CFAP221: variants seen among roughly 807,000 people sequenced by gnomAD.
The protein encoded by CFAP221 is cilia and flagella associated protein 221.
Under a neutral mutation model 113.1 loss-of-function variants are expected in CFAP221, and 97 were observed. The ratio of observed to expected loss-of-function variants is 0.86; its 90% CI spans 0.73 to 1.02. The LOEUF (loss-of-function observed/expected upper bound fraction) is 1.02. CFAP221 is among the 50% of genes least tolerant of loss of function. CFAP221 has a pLI of 0.00. For missense variants in CFAP221, 1,025 were observed against 1,013.4 expected (o/e 1.01, Z -0.16); for synonymous variants, 331 against 354.4 (o/e 0.93, Z 0.74).
At chr2:119,581,672 T>C (rs1682855703) in intron 6 of CFAP221, among the ~76,000 whole-genome samples, 1 of 152,182 alleles carries the variant, frequency 6.6e-6, no homozygotes, top group Admixed American at 6.5e-5. Flanking sequence ...TACCAAGCTT[T>C]TCAGAATTAA....
intron 11 of CFAP221, among the ~76,000 whole-genome samples, chr2:119,606,710 T>C (rs540147020): frequency 6.6e-6 from 1 of 152,300 alleles, no homozygotes; most frequent in South Asian, 2.1e-4. Context: ...AGTGCTGGTG[T>C]TTTTGTTCTT....
chr2:119,569,447 C>G (rs1329700460), intron 6 of CFAP221, among the ~76,000 whole-genome samples: 5 of 152,016 alleles, frequency 3.3e-5, no homozygotes, highest in Admixed American at 1.3e-4. Flanking sequence ...CTCTCTGGTT[C>G]TCTGTAGTTT....
chr2:119,646,953 C>CACAGCTGCGATTCCTTCAATTCATT lies in CFAP221; in HGVS notation c.2226-4_2246dup. ...TCTTTGACTGCTTGTGTGGTTTTTC[C>CACAGCTGCGATTCCTTCAATTCATT]ACAGCTGCGATTCCTTCAATTCATT... On this transcript the variant is annotated splice_polypyrimidine_tract_variant and splice_region_variant and intron_variant, in intron 21 of 23. Transcript: ENST00000413369. 1 of 1,612,108 alleles carries CACAGCTGCGATTCCTTCAATTCATT rather than the reference C, an allele frequency of 6.2e-7. No individual in the cohort carries two copies.
At chr2:119,610,565 C>A (rs1685081119) in intron 12 of CFAP221, among the ~76,000 whole-genome samples, 2 of 152,068 alleles carry the variant, frequency 1.3e-5, no homozygotes, top group African/African-American at 4.8e-5. Flanking sequence ...TTATTTTACT[C>A]CTAATGCTGG....
intron 16 of CFAP221, among the ~76,000 whole-genome samples, chr2:119,629,101 C>T (rs1311667235): frequency 6.6e-6 from 1 of 152,128 alleles, no homozygotes; most frequent in Non-Finnish European, 1.5e-5. Context: ...CTTTTTCTTA[C>T]ATTTAGCATC....
chr2:119,586,534 A>G (rs1683235268), intron 6 of CFAP221, among the ~76,000 whole-genome samples: 3 of 152,090 alleles, frequency 2.0e-5, no homozygotes, highest in African/African-American at 4.8e-5. Flanking sequence ...ACGTTCTCTA[A>G]TGGTTGCTGG....
At chr2:119,626,094 T>G (rs1454272471) in intron 15 of CFAP221, among the ~76,000 whole-genome samples, 2 of 152,048 alleles carry the variant, frequency 1.3e-5, no homozygotes, top group Non-Finnish European at 2.9e-5. Flanking sequence ...GCTCCTGGAG[T>G]CCACCTGCAT....
At chr2:119,560,826 T>G (rs1310027208) in intron 5 of CFAP221, among the ~76,000 whole-genome samples, 16 of 152,224 alleles carry the variant, frequency 1.1e-4, no homozygotes. Flanking sequence ...AAGTTAACTT[T>G]TATAAATTGA....
At chr2:119,632,084 A>G (rs1686809007) in intron 19 of CFAP221, among the ~76,000 whole-genome samples, 1 of 151,982 alleles carries the variant, frequency 6.6e-6, no homozygotes, top group African/African-American at 2.4e-5. Context: ...CCAAATATTT[A>G]AGGAAGGAAT....
At position 119,639,803 on chromosome 2, in the gene CFAP221, A is replaced by T. The variant is rs758335579; in HGVS notation, c.2156A>T (p.His719Leu). ...CAGGACATTATTCCCGGAATAATGC[A>T]CTGGAAAAGCTTCCAGTCCCTGGTT... is the stretch of plus-strand genomic sequence containing the variant. The part of the protein sequence containing the change: ...HHTDIIPGIM[H>L]WKSFQSLVLS... Residue 719 changes from histidine (H) to leucine (L), a missense_variant, in exon 21 of 24, where the codon CAC (histidine) becomes CTC (leucine). Coordinates refer to ENST00000413369, the MANE Select transcript of CFAP221 (RefSeq NM_001271049.2). 1.2e-5 allele frequency: 19 copies of T among 1,613,986 alleles called. No individual in the cohort carries two copies. The highest frequency in any genetic ancestry group is 8.3e-5 in the Admixed American group (5 of 59,996).
At chr2:119,548,932 ATAAT>A (rs1458273956) in intron 2 of CFAP221, among the ~76,000 whole-genome samples, 149 bp from the exon 3 acceptor site, 2 of 152,236 alleles carry the variant, frequency 1.3e-5, no homozygotes, top group Non-Finnish European at 2.9e-5. Context: ...TTTAGAACAG[ATAAT>A]TAATCTTGTT....
chr2:119,596,203 A>G (rs1445395216), intron 7 of CFAP221, among the ~76,000 whole-genome samples: 1 of 152,152 alleles, frequency 6.6e-6, no homozygotes, highest in Non-Finnish European at 1.5e-5. Flanking sequence ...CCCCTCAGGA[A>G]GGAGCTGAGG....
At chr2:119,613,513 C>T (rs377473331) in intron 13 of CFAP221, among the ~76,000 whole-genome samples, 29 of 152,372 alleles carry the variant, frequency 1.9e-4, no homozygotes, top group Admixed American at 1.5e-3. Context: ...TGTGCACCTA[C>T]AGGCTCAACA....
In CFAP221 at chr2:119,624,829, A is replaced by G. The variant is rs898583017; in HGVS notation, c.1411-754A>G. 1.4e-4 allele frequency among the ~76,000 whole-genome samples: 21 copies of G among 152,250 alleles called. No homozygotes were observed. The South Asian group carries it at 3.3e-3, about 24-fold the overall frequency. ...AGTGGGAGTTGAAGAATGAGAACACATGGACACAGGGAGGGGAACATCACA... is the reference window on the plus strand; with the variant it reads ...AGTGGGAGTTGAAGAATGAGAACACGTGGACACAGGGAGGGGAACATCACA... On this transcript the variant is annotated intron_variant, in intron 14 of 23. Transcript: ENST00000413369.
At chr2:119,595,676 G>A (rs749608379) in intron 7 of CFAP221, among the ~76,000 whole-genome samples, 4 of 152,152 alleles carry the variant, frequency 2.6e-5, no homozygotes, top group Non-Finnish European at 4.4e-5. Flanking sequence ...TCCCTGCTGT[G>A]TTGGAGCAGA....
intron 15 of CFAP221, among the ~76,000 whole-genome samples, chr2:119,627,063 A>C (rs770059682): frequency 4.4e-4 from 67 of 151,900 alleles, no homozygotes; most frequent in Non-Finnish European, 7.9e-4. Context: ...TATATTCCCA[A>C]TCCACAGTTT....
At chr2:119,608,462 C>A (rs1308013394) in intron 11 of CFAP221, 40 bp from the exon 12 acceptor site, 2 of 1,439,450 alleles carry the variant, frequency 1.4e-6, no homozygotes, top group South Asian at 1.3e-5. Context: ...CTCTGGTATT[C>A]TGATGGGTTC....
At chr2:119,599,919 G>A (rs1383065085) in intron 7 of CFAP221, among the ~76,000 whole-genome samples, 3 of 152,090 alleles carry the variant, frequency 2.0e-5, no homozygotes, top group African/African-American at 7.2e-5. Context: ...GCACATGAAT[G>A]GGTGAAGGAA....
intron 15 of CFAP221, among the ~76,000 whole-genome samples, chr2:119,626,722 C>T (rs1686330428): frequency 6.6e-6 from 1 of 151,974 alleles, no homozygotes; most frequent in African/African-American, 2.4e-5. Context: ...TCACTTGAGC[C>T]CAGGAGTTCG....
Sources: gnomAD v4.1 joint callset for allele counts (sites outside exome capture counted in the v4.1 genomes callset) on GRCh38, gnomAD v4.1.1 for gene constraint, MANE v1.5 for transcripts, NCBI Gene and HGNC (gene_info 2026-07-23, HGNC 2026-07-21) for gene names.